Variants in RNF180 observed in about 807,000 individuals in gnomAD.
The protein encoded by RNF180 is ring finger protein 180.
Under a neutral mutation model 59.2 loss-of-function variants are expected in RNF180, and 38 were observed. That is an observed-to-expected ratio of 0.64 (90% CI 0.50 to 0.84). The LOEUF is 0.84. Ranked by LOEUF, RNF180 falls within the 40% of genes least tolerant of loss-of-function variation. RNF180 has a pLI of 0.00. For synonymous variants in RNF180, 262 were observed against 240.3 expected (o/e 1.09, Z -0.84); for missense variants, 705 against 700.9 (o/e 1.01, Z -0.07).
chr5:64,282,198 G>A (rs1561237005), intron 5 of RNF180, among the ~76,000 whole-genome samples: 1 of 152,072 alleles, frequency 6.6e-6, no homozygotes, highest in African/African-American at 2.4e-5. Context: ...CTGGTTGGTA[G>A]GCTTTTTATT....
intron 5 of RNF180, among the ~76,000 whole-genome samples, chr5:64,288,399 A>G (rs1406431324): frequency 6.6e-6 from 1 of 152,182 alleles, no homozygotes; most frequent in South Asian, 2.1e-4. Flanking sequence ...TTTTAGTTAC[A>G]TATGAATTTT....
intron 1 of RNF180, among the ~76,000 whole-genome samples, chr5:64,178,873 C>T (rs1413142662): frequency 6.6e-6 from 1 of 152,056 alleles, no homozygotes; most frequent in Non-Finnish European, 1.5e-5. Flanking sequence ...GGTTTTCAGT[C>T]TTATTGTGTA....
At chr5:64,290,862 T>C (rs537723085) in intron 5 of RNF180, among the ~76,000 whole-genome samples, 2 of 152,336 alleles carry the variant, frequency 1.3e-5, no homozygotes, top group East Asian at 3.9e-4. Context: ...TTGGGGCATT[T>C]AGCTCATTTA....
chr5:64,286,393 G>A (rs1742285512), intron 5 of RNF180, among the ~76,000 whole-genome samples: 1 of 152,154 alleles, frequency 6.6e-6, no homozygotes, highest in South Asian at 2.1e-4. Context: ...TTAAATTTCT[G>A]TGATCAATGC....
At chr5:64,223,736 C>T (rs548766731) in intron 5 of RNF180, among the ~76,000 whole-genome samples, 95 of 151,902 alleles carry the variant, frequency 6.3e-4, no homozygotes, top group African/African-American at 2.3e-3. Context: ...CTTTATTCTT[C>T]ATTCATCCTT....
chr5:64,287,947 A>G (rs1324519521), intron 5 of RNF180, among the ~76,000 whole-genome samples: 2 of 152,060 alleles, frequency 1.3e-5, no homozygotes, highest in East Asian at 1.9e-4. Context: ...TGCAATTGCT[A>G]TTGGCATTTT....
At chr5:64,354,504 T>C (rs1033515818) in intron 7 of RNF180, among the ~76,000 whole-genome samples, 2 of 151,776 alleles carry the variant, frequency 1.3e-5, no homozygotes, top group Non-Finnish European at 2.9e-5. Flanking sequence ...GCTTCACTGA[T>C]GAATTCTGCC....
intron 5 of RNF180, among the ~76,000 whole-genome samples, chr5:64,297,858 A>G (rs1327437393): frequency 6.6e-6 from 1 of 152,046 alleles, no homozygotes; most frequent in Non-Finnish European, 1.5e-5. Flanking sequence ...ATGAAATTGT[A>G]TTTAGTCCAT....
rs536103510 is a variant in RNF180, at chr5:64,190,836, A to G, written c.1-9972A>G. On this transcript the variant is annotated intron_variant, in intron 1 of 7. Transcript: ENST00000389100. ...GCCTCACCAGAAAACAACCCTACCA[A>G]CATCTTAATTTTGAATTTCCAGCAT... is the stretch of plus-strand genomic sequence containing the variant. Among the ~76,000 whole-genome samples, 4 of 152,260 alleles carry G rather than the reference A, an allele frequency of 2.6e-5. 1 individual carries two copies. The highest frequency in any genetic ancestry group is 7.2e-5 in the African/African-American group (3 of 41,548).
chr5:64,241,741 A>C (rs2112238294), intron 5 of RNF180, among the ~76,000 whole-genome samples: 1 of 152,264 alleles, frequency 6.6e-6, no homozygotes, highest in East Asian at 1.9e-4. Context: ...ATTAATTTTA[A>C]AAAGACTCAT....
chr5:64,274,973 A>G (rs966514493), intron 5 of RNF180, among the ~76,000 whole-genome samples: 8 of 152,006 alleles, frequency 5.3e-5, no homozygotes, highest in African/African-American at 1.9e-4. Context: ...TTCTTAAAAT[A>G]TATGGTTTGA....
chr5:64,291,518 G>A lies in RNF180; in HGVS notation c.1228-33668G>A, dbSNP rs185319855. On this transcript the variant is annotated intron_variant, in intron 5 of 7. Coordinates refer to ENST00000389100, the MANE Select transcript of RNF180 (RefSeq NM_001113561.2). ...TGGCTCACTGCAAGCTCCGCCTGCC[G>A]GGTTCACACCATTCTCCTGTCTCAG... Among the ~76,000 whole-genome samples, 35 of 147,410 alleles carry A rather than the reference G, an allele frequency of 2.4e-4. No homozygotes were observed. In the South Asian group the frequency reaches 6.0e-3, roughly 25 times the overall value.
chr5:64,286,326 CT>C, intron 5 of RNF180, among the ~76,000 whole-genome samples: 1 of 152,242 alleles, frequency 6.6e-6, no homozygotes, highest in Non-Finnish European at 1.5e-5. Flanking sequence ...GTGACATGAG[CT>C]ATATAAAGAC....
intron 7 of RNF180, among the ~76,000 whole-genome samples, chr5:64,337,865 A>G (rs1471882366): frequency 6.6e-6 from 1 of 152,140 alleles, no homozygotes; most frequent in Non-Finnish European, 1.5e-5. Context: ...ATAGTATTCC[A>G]TGGTGTATAT....
chr5:64,170,445 T>A (rs544394865), intron 1 of RNF180, among the ~76,000 whole-genome samples: 1 of 152,330 alleles, frequency 6.6e-6, no homozygotes, highest in African/African-American at 2.4e-5. Context: ...GGGGTGTTTT[T>A]AAGTTAGCCA....
intron 1 of RNF180, among the ~76,000 whole-genome samples, chr5:64,198,806 G>T (rs897102524): frequency 6.6e-6 from 1 of 151,686 alleles, no homozygotes; most frequent in Non-Finnish European, 1.5e-5. Context: ...CAGAACATTT[G>T]CAAATTAAAC....
Position 64,166,690 on chromosome 5 carries a change from T to C in RNF180, c.-1+737T>C, listed in dbSNP as rs571712037. 2.0e-5 allele frequency among the ~76,000 whole-genome samples: 3 copies of C among 152,324 alleles called. No individual in the cohort carries two copies. In the South Asian group the frequency reaches 6.2e-4, roughly 32 times the overall value. On this transcript the variant is annotated intron_variant, in intron 1 of 7. Coordinates refer to ENST00000389100, the MANE Select transcript of RNF180 (RefSeq NM_001113561.2). ...TCTGTGAGAGCATTCATTAGTTAAC[T>C]TCAAAGGAGCATTATGCGGTCGGGT... is the stretch of plus-strand genomic sequence containing the variant.
intron 7 of RNF180, among the ~76,000 whole-genome samples, chr5:64,342,007 A>G (rs1043184039): frequency 1.3e-5 from 2 of 152,162 alleles, no homozygotes; most frequent in African/African-American, 4.8e-5. Context: ...AGGCCAGATT[A>G]GAGGGATGAA....
intron 5 of RNF180, among the ~76,000 whole-genome samples, chr5:64,226,134 G>C (rs933328244): frequency 1.3e-5 from 2 of 152,168 alleles, no homozygotes; most frequent in African/African-American, 4.8e-5. Context: ...CTGCCCGGCT[G>C]CCCCATCTGG....
Sources: gnomAD v4.1 joint callset for allele counts (sites outside exome capture counted in the v4.1 genomes callset) on GRCh38, gnomAD v4.1.1 for gene constraint, MANE v1.5 for transcripts, NCBI Gene and HGNC (gene_info 2026-07-23, HGNC 2026-07-21) for gene names.